The following MAGI2 variants were observed in gnomAD, a reference collection of about 807,000 sequenced individuals.
The protein encoded by MAGI2 is membrane associated guanylate kinase, WW and PDZ domain containing 2.
A neutral mutation model predicts 133.3 loss-of-function variants in MAGI2; 35 were observed. The ratio of observed to expected loss-of-function variants is 0.26; its 90% CI spans 0.20 to 0.35. The LOEUF (loss-of-function observed/expected upper bound fraction) is 0.35, where lower values mean the gene tolerates loss of function less well. Among genes scored for constraint, MAGI2 ranks in the 10% least tolerant of loss-of-function variants. The pLI, the probability that MAGI2 is intolerant of heterozygous loss-of-function variation, is 1.00. For synonymous variants in MAGI2, 729 were observed against 710.6 expected, an observed-to-expected ratio of 1.03 and a Z score of -0.41; for missense variants, 1,636 against 1,863.4, an observed-to-expected ratio of 0.88 and a Z score of 2.25.
intron 1 of MAGI2, among the ~76,000 whole-genome samples, chr7:79,261,804 C>A (rs540977395): frequency 1.3e-5 from 2 of 152,248 alleles, no homozygotes; most frequent in East Asian, 1.9e-4. Flanking sequence ...CTTAAGAACC[C>A]AAATCATCAA....
In MAGI2 at chr7:78,378,461, A is replaced by G. The variant is rs1308867025; in HGVS notation, c.1046-9248T>C. Among the ~76,000 whole-genome samples, 7 of 152,086 alleles carry G rather than the reference A, an allele frequency of 4.6e-5. No homozygotes were observed. In the East Asian group the frequency reaches 1.2e-3, roughly 25 times the overall value. ...CCAAAATACATACCAGTAAGACATT[A>G]GACTTTAAAAGGTAGAGAAAACATG... is the stretch of plus-strand genomic sequence containing the variant. On this transcript the variant is annotated intron_variant, in intron 6 of 21. Coordinates refer to ENST00000354212, the MANE Select transcript of MAGI2 (RefSeq NM_012301.4).
intron 2 of MAGI2, among the ~76,000 whole-genome samples, chr7:78,693,170 C>A (rs746776303): frequency 6.6e-6 from 1 of 152,160 alleles, no homozygotes. Context: ...TAGGCAAAGT[C>A]TTTAATCTCC....
At chr7:78,607,460 GA>G (rs1259551209) in intron 3 of MAGI2, among the ~76,000 whole-genome samples, 2 of 143,760 alleles carry the variant, frequency 1.4e-5, no homozygotes, top group Non-Finnish European at 3.0e-5. Flanking sequence ...TATGGAAACA[GA>G]ACCACATGTT....
At chr7:78,123,375 C>G (rs373495912) in intron 20 of MAGI2, among the ~76,000 whole-genome samples, 1 of 152,290 alleles carries the variant, frequency 6.6e-6, no homozygotes, top group South Asian at 2.1e-4. Flanking sequence ...CCTATATACA[C>G]TGTTTTCCCT....
At chr7:78,918,380 T>C (rs1014023956) in intron 2 of MAGI2, among the ~76,000 whole-genome samples, 2 of 152,208 alleles carry the variant, frequency 1.3e-5, no homozygotes, top group African/African-American at 4.8e-5. Context: ...AAGCTTTTAG[T>C]CTTGGCCTGA....
At chr7:78,366,650 G>A (rs1258841521) in intron 7 of MAGI2, among the ~76,000 whole-genome samples, 1 of 152,170 alleles carries the variant, frequency 6.6e-6, no homozygotes, top group Non-Finnish European at 1.5e-5. Context: ...CCCATCTCAA[G>A]TAATGTATAC....
At chr7:78,608,579 C>T (rs954022239) in intron 3 of MAGI2, among the ~76,000 whole-genome samples, 5 of 151,758 alleles carry the variant, frequency 3.3e-5, no homozygotes, top group African/African-American at 4.8e-5. Context: ...TTTCTTATTG[C>T]TATTATCATT....
intron 21 of MAGI2, among the ~76,000 whole-genome samples, chr7:78,027,641 AAAG>A (rs369633735): frequency 0.14 from 20,839 of 144,646 alleles, 2,238 homozygotes; most frequent in East Asian, 0.47. Context: ...AAAAAAAAAA[AAAG>A]AAAGAAAAAG....
chr7:78,040,407 A>G (rs3807781), intron 21 of MAGI2, among the ~76,000 whole-genome samples: 28,247 of 152,162 alleles, frequency 0.19, 3,453 homozygotes, highest in African/African-American at 0.34. Context: ...GCAGCCTCAC[A>G]TTCCCGCGGG....
intron 2 of MAGI2, among the ~76,000 whole-genome samples, chr7:78,778,904 C>CTTTTT (rs71085566): frequency 2.5e-5 from 3 of 118,458 alleles, no homozygotes; most frequent in East Asian, 2.3e-4. Context: ...CCTTTTCAGC[C>CTTTTT]TTTTTTTTTT....
Position 79,304,193 on chromosome 7 carries a change from G to C in MAGI2, c.301+148827C>G, listed in dbSNP as rs866590216. ...ATTTTCAACTGGGATGTGTGTGTGT[G>C]TGTGTGTGTCTGTGTGTGTGTGTGT... On this transcript the variant is annotated intron_variant, in intron 1 of 21. Transcript: ENST00000354212. 6.0e-4 allele frequency among the ~76,000 whole-genome samples: 12 copies of C among 20,156 alleles called. No homozygotes were observed. The South Asian group carries it at 0.019, about 31-fold the overall frequency. The allele number at this position is 20,156 out of a possible 152,430, so 13.2% of individuals were successfully genotyped here.
chr7:78,484,208 T>C (rs183943850), intron 6 of MAGI2: 20 of 152,082 alleles, frequency 1.3e-4, no homozygotes, highest in Admixed American at 1.3e-3. Flanking sequence ...TGAAACTAAT[T>C]AGCGTTTTCT....
intron 2 of MAGI2, among the ~76,000 whole-genome samples, chr7:78,984,761 G>A (rs1805092169): frequency 6.6e-6 from 1 of 151,736 alleles, no homozygotes. Context: ...ATTTTTCTTT[G>A]TAGCACTGAT....
intron 1 of MAGI2, among the ~76,000 whole-genome samples, chr7:79,246,231 A>G (rs1832810806): frequency 6.6e-6 from 1 of 152,230 alleles, no homozygotes; most frequent in Non-Finnish European, 1.5e-5. Flanking sequence ...CAACTCTTCA[A>G]TGCCCAGACA....
chr7:78,436,739 T>G (rs1301388136), intron 6 of MAGI2, among the ~76,000 whole-genome samples: 5 of 152,146 alleles, frequency 3.3e-5, no homozygotes, highest in African/African-American at 1.2e-4. Flanking sequence ...AACACCTCTG[T>G]GTGAGCCTAA....
At chr7:79,164,617 T>C (rs572701269) in intron 1 of MAGI2, among the ~76,000 whole-genome samples, 1 of 151,908 alleles carries the variant, frequency 6.6e-6, no homozygotes, top group East Asian at 1.9e-4. Context: ...GAACATTTCC[T>C]TTTTTTTGAT....
At chr7:78,033,967 A>T (rs1809888409) in intron 21 of MAGI2, among the ~76,000 whole-genome samples, 1 of 152,168 alleles carries the variant, frequency 6.6e-6, no homozygotes, top group African/African-American at 2.4e-5. Context: ...TCTTACCTAA[A>T]CAGATGAGTC....
intron 2 of MAGI2, among the ~76,000 whole-genome samples, chr7:78,675,294 A>C (rs935707142): frequency 6.6e-6 from 1 of 151,756 alleles, no homozygotes; most frequent in Admixed American, 6.6e-5. Flanking sequence ...TGTGTGTTTG[A>C]ATGTGTGATT....
chr7:78,998,004 T>G (rs1806480943), intron 2 of MAGI2, among the ~76,000 whole-genome samples: 1 of 152,204 alleles, frequency 6.6e-6, no homozygotes, highest in Non-Finnish European at 1.5e-5. Flanking sequence ...AGCTTTGTAT[T>G]TCTCATTATG....
Sources: gnomAD v4.1 joint callset for allele counts (sites outside exome capture counted in the v4.1 genomes callset) on GRCh38, gnomAD v4.1.1 for gene constraint, MANE v1.5 for transcripts, NCBI Gene and HGNC (gene_info 2026-07-23, HGNC 2026-07-21) for gene names.